The following FAM185A variants were observed in gnomAD, a reference collection of about 807,000 sequenced individuals.
FAM185A encodes the protein family with sequence similarity 185 member A.
Under a neutral mutation model 45.7 loss-of-function variants are expected in FAM185A, and 21 were observed. That is an observed-to-expected ratio of 0.46 (90% CI 0.33 to 0.66). The LOEUF (loss-of-function observed/expected upper bound fraction) is 0.66. FAM185A is among the 30% of genes least tolerant of loss of function. The probability of loss-of-function intolerance (pLI) is 0.03; values close to 1 mark genes in which losing one functional copy is unlikely to be tolerated. For synonymous variants in FAM185A, 117 were observed against 194.0 expected (o/e 0.60, Z 3.30); for missense variants, 305 against 485.4 (o/e 0.63, Z 3.49).
chr7:102,822,137 CAG>C, the FAM185A span: 5 of 1,614,150 alleles, frequency 3.1e-6, no homozygotes, highest in Non-Finnish European at 4.2e-6. Flanking sequence ...AAGACACAAC[CAG>C]AGATATCCAA....
the FAM185A span, chr7:102,834,473 A>ATG: frequency 4.3e-3 from 613 of 141,530 alleles, 7 homozygotes; most frequent in African/African-American, 0.016. Flanking sequence ...ATATATATAT[A>ATG]TGTGATGTGG....
At chr7:102,793,700 G>C (rs2129442951) in intron 7 of FAM185A, among the ~76,000 whole-genome samples, 1 of 151,882 alleles carries the variant, frequency 6.6e-6, no homozygotes, top group South Asian at 2.1e-4. Context: ...ATTACATATG[G>C]ACTCTGTTGC....
At chr7:102,783,729 C>A (rs1283014779) in intron 6 of FAM185A, among the ~76,000 whole-genome samples, 1 of 151,980 alleles carries the variant, frequency 6.6e-6, no homozygotes, top group Admixed American at 6.6e-5. Flanking sequence ...CAAGAGAAAG[C>A]AGGAAAGATC....
the FAM185A span, among the ~76,000 whole-genome samples, chr7:102,824,806 T>C: frequency 9.3e-5 from 11 of 118,394 alleles, no homozygotes; most frequent in African/African-American, 3.5e-4. Flanking sequence ...TTTTTTTTTT[T>C]CCGAGTTGGG....
chr7:102,797,054 G>A (rs1391731211), intron 7 of FAM185A, among the ~76,000 whole-genome samples: 1 of 152,180 alleles, frequency 6.6e-6, no homozygotes, highest in Non-Finnish European at 1.5e-5. Flanking sequence ...TATTTGAGAG[G>A]AAATTTAGTG....
At chr7:102,752,272 A>AT (rs1470538198) in intron 2 of FAM185A, among the ~76,000 whole-genome samples, 2 of 135,290 alleles carry the variant, frequency 1.5e-5, no homozygotes, top group South Asian at 2.4e-4. Flanking sequence ...TTGTAATTAA[A>AT]ATTTTTTTTT....
chr7:102,840,871 A>C, the FAM185A span, among the ~76,000 whole-genome samples: 2 of 152,178 alleles, frequency 1.3e-5, no homozygotes, highest in East Asian at 1.9e-4. Flanking sequence ...TTAAAAGAAA[A>C]TGTGTATTCC....
At chr7:102,754,743 T>A (rs1408412745) in intron 2 of FAM185A, among the ~76,000 whole-genome samples, 1 of 152,242 alleles carries the variant, frequency 6.6e-6, no homozygotes, top group East Asian at 1.9e-4. Context: ...ACAAAACATA[T>A]GGTAAGACCA....
the FAM185A span, among the ~76,000 whole-genome samples, chr7:102,843,634 G>A: frequency 6.6e-6 from 1 of 152,076 alleles, no homozygotes; most frequent in East Asian, 1.9e-4. Flanking sequence ...AAATTAGCCA[G>A]ACATGGTCGT....
intron 6 of FAM185A, among the ~76,000 whole-genome samples, chr7:102,782,823 G>A (rs2129440060): frequency 6.6e-6 from 1 of 152,034 alleles, no homozygotes; most frequent in South Asian, 2.1e-4. Context: ...ATGTAAATGG[G>A]CTAAATGCTC....
At chr7:102,848,226 C>T in the FAM185A span, among the ~76,000 whole-genome samples, 1 of 152,130 alleles carries the variant, frequency 6.6e-6, no homozygotes, top group Non-Finnish European at 1.5e-5. Context: ...TTTTGTCTAG[C>T]TGCAAGATTT....
At chr7:102,849,984 A>G in the FAM185A span, among the ~76,000 whole-genome samples, 472 of 152,148 alleles carry the variant, frequency 3.1e-3, 2 homozygotes, top group Non-Finnish European at 2.6e-3. Context: ...TGTTCTGCAC[A>G]TGTATCCTGT....
At chr7:102,834,086 A>AAGGAAGGG in the FAM185A span, among the ~76,000 whole-genome samples, 4 of 93,692 alleles carry the variant, frequency 4.3e-5, no homozygotes, top group African/African-American at 1.8e-4. Context: ...GGAAGGAAAG[A>AAGGAAGGG]AAAGAAAGAA....
chr7:102,849,785 G>A, the FAM185A span, among the ~76,000 whole-genome samples: 2 of 152,124 alleles, frequency 1.3e-5, no homozygotes, highest in Admixed American at 1.3e-4. Context: ...AATCTTGGAA[G>A]AGGTAAAACT....
intron 2 of FAM185A, among the ~76,000 whole-genome samples, chr7:102,754,204 AT>A (rs10651309): frequency 0.54 from 78,944 of 147,006 alleles, 16,022 homozygotes; most frequent in African/African-American, 0.56. Context: ...AATAAAAAAA[AT>A]TTTTTTTTTT....
chr7:102,754,946 T>G (rs750659068), intron 2 of FAM185A: 1,764 of 169,384 alleles, frequency 0.01, 6 homozygotes, highest in Non-Finnish European at 0.017. Flanking sequence ...TCACATTTTT[T>G]GGGGAATTAG....
chr7:102,764,844 A>G (rs1433563666), intron 4 of FAM185A, among the ~76,000 whole-genome samples: 1 of 152,138 alleles, frequency 6.6e-6, no homozygotes, highest in African/African-American at 2.4e-5. Context: ...AAAATCCAAC[A>G]TATAGATGTT....
At chr7:102,791,349 AGG>A (rs1420716292) in intron 7 of FAM185A, among the ~76,000 whole-genome samples, 1 of 152,246 alleles carries the variant, frequency 6.6e-6, no homozygotes, top group Non-Finnish European at 1.5e-5. Flanking sequence ...GAAGGAGTAC[AGG>A]GGCCTGGACT....
At chr7:102,779,081 T>C (rs1350181868) in intron 6 of FAM185A, among the ~76,000 whole-genome samples, 1 of 152,244 alleles carries the variant, frequency 6.6e-6, no homozygotes, top group East Asian at 1.9e-4. Flanking sequence ...ACTTTTCTAC[T>C]TAACATTTTG....
Sources: allele counts gnomAD v4.1 joint callset (sites outside exome capture counted in the v4.1 genomes callset), GRCh38; gene constraint gnomAD v4.1.1; transcripts MANE v1.5; gene names NCBI Gene and HGNC (gene_info 2026-07-23, HGNC 2026-07-21).